The following PPFIA2 variants were observed in gnomAD, a reference collection of about 807,000 sequenced individuals.
The protein encoded by PPFIA2 is PPFI scaffold protein A2.
A neutral mutation model predicts 175.5 loss-of-function variants in PPFIA2; 46 were observed. The ratio of observed to expected loss-of-function variants is 0.26; its 90% confidence interval spans 0.21 to 0.34. The LOEUF (loss-of-function observed/expected upper bound fraction) is 0.34, where lower values mean the gene tolerates loss of function less well. Ranked by LOEUF, PPFIA2 falls within the 10% of genes least tolerant of loss-of-function variation. PPFIA2 has a pLI of 1.00. For missense variants in PPFIA2, 1,179 were observed against 1,506.1 expected, an observed-to-expected ratio of 0.78 and a Z score of 3.60; for synonymous variants, 568 against 511.4, an observed-to-expected ratio of 1.11 and a Z score of -1.49.
intron 29 of PPFIA2, 83 bp downstream of exon 29, chr12:81,267,829 T>C (rs754711475): frequency 4.7e-5 from 60 of 1,288,098 alleles, no homozygotes; most frequent in Non-Finnish European, 5.5e-5. Flanking sequence ...CAATCATGAA[T>C]ACACAGCCAA....
chr12:81,348,476 G>T (rs1054386406), intron 17 of PPFIA2, among the ~76,000 whole-genome samples: 1 of 152,106 alleles, frequency 6.6e-6, no homozygotes, highest in African/African-American at 2.4e-5. Context: ...GGTGGCTCAC[G>T]CCTGTAATCC....
intron 30 of PPFIA2, 105 bp from the exon 31 acceptor site, chr12:81,263,495 C>G (rs1474963920): frequency 9.7e-7 from 1 of 1,031,044 alleles, no homozygotes; most frequent in Non-Finnish European, 1.4e-6. Flanking sequence ...TACATTTAGT[C>G]TGTCAAGTAT....
chr12:81,474,348 G>A lies in PPFIA2; in HGVS notation c.304-16482C>T, dbSNP rs1162398397. On this transcript the variant is annotated intron_variant, in intron 4 of 32. Transcript: ENST00000549396. ...ATTTTTGTATTTTTAGTAGAGACGG[G>A]GTCTTGCCATGTTTTTTGGGCTGCT... is the stretch of plus-strand genomic sequence containing the variant. 4.6e-5 allele frequency among the ~76,000 whole-genome samples: 7 copies of A among 152,072 alleles called. No individual in the cohort carries two copies. In the East Asian group the frequency reaches 1.2e-3, roughly 25 times the overall value.
intron 4 of PPFIA2, among the ~76,000 whole-genome samples, chr12:81,574,726 C>G (rs1268613616): frequency 1.3e-5 from 2 of 151,410 alleles, no homozygotes. Context: ...AAAAACACCA[C>G]TCTTCTGATA....
intron 3 of PPFIA2, among the ~76,000 whole-genome samples, chr12:81,709,132 G>T (rs1263229922): frequency 2.0e-5 from 3 of 151,904 alleles, no homozygotes; most frequent in African/African-American, 7.3e-5. Context: ...CTCACATAGG[G>T]CTTCTTTCTG....
At chr12:81,326,948 A>T (rs764548858) in intron 21 of PPFIA2, among the ~76,000 whole-genome samples, 1 of 152,078 alleles carries the variant, frequency 6.6e-6, no homozygotes, top group Non-Finnish European at 1.5e-5. Context: ...CTCTTCTCTC[A>T]TTGTAGTGGA....
intron 22 of PPFIA2, chr12:81,302,268 C>A: frequency 2.7e-6 from 1 of 372,654 alleles, no homozygotes; most frequent in South Asian, 2.1e-5. Flanking sequence ...TTATTTCCCA[C>A]TTTCTCACAA....
intron 4 of PPFIA2, among the ~76,000 whole-genome samples, chr12:81,624,580 AAT>A (rs896898043): frequency 6.8e-5 from 10 of 146,166 alleles, no homozygotes; most frequent in African/African-American, 2.0e-4. Context: ...GACCTGGACA[AAT>A]ATATATATAT....
At chr12:81,715,257 G>T (rs1325511626) in intron 3 of PPFIA2, among the ~76,000 whole-genome samples, 1 of 147,026 alleles carries the variant, frequency 6.8e-6, no homozygotes, top group Non-Finnish European at 1.5e-5. Flanking sequence ...TGTGTGAACT[G>T]TTTATCTTCA....
At chr12:81,344,361 T>C (rs904994064) in intron 19 of PPFIA2, among the ~76,000 whole-genome samples, 4 of 149,318 alleles carry the variant, frequency 2.7e-5, no homozygotes, top group Non-Finnish European at 5.9e-5. Context: ...ATTTGTACTA[T>C]ATTATATTAA....
At chr12:81,384,662 T>G (rs550588546) in intron 8 of PPFIA2, among the ~76,000 whole-genome samples, 1 of 152,192 alleles carries the variant, frequency 6.6e-6, no homozygotes, top group Non-Finnish European at 1.5e-5. Context: ...AATTTTAAAA[T>G]TTTTCTTCAA....
chr12:81,639,518 A>G (rs1405776899), intron 4 of PPFIA2, among the ~76,000 whole-genome samples: 1 of 151,312 alleles, frequency 6.6e-6, no homozygotes, highest in East Asian at 2.0e-4. Context: ...CACAATTACA[A>G]TTACAAAGAA....
intron 5 of PPFIA2, among the ~76,000 whole-genome samples, chr12:81,447,153 A>G (rs948447078): frequency 2.0e-5 from 3 of 152,038 alleles, no homozygotes; most frequent in Admixed American, 6.6e-5. Context: ...AATAATAATA[A>G]TAGTAGTTTT....
chr12:81,619,974 G>A (rs1346591733), intron 4 of PPFIA2, among the ~76,000 whole-genome samples: 1 of 151,826 alleles, frequency 6.6e-6, no homozygotes, highest in Non-Finnish European at 1.5e-5. Flanking sequence ...CCTGGCTAAG[G>A]CAGTGAAACC....
intron 4 of PPFIA2, among the ~76,000 whole-genome samples, chr12:81,618,049 G>T (rs1303185506): frequency 6.6e-6 from 1 of 152,112 alleles, no homozygotes; most frequent in African/African-American, 2.4e-5. Flanking sequence ...TGCAGTTGCT[G>T]ATTTTTTTTG....
At chr12:81,651,550 A>G (rs1208569257) in intron 4 of PPFIA2, among the ~76,000 whole-genome samples, 1 of 152,026 alleles carries the variant, frequency 6.6e-6, no homozygotes, top group Non-Finnish European at 1.5e-5. Context: ...TCTTTCCCTC[A>G]AGGTCAGCTT....
At chr12:81,462,676 G>T (rs2145975117) in intron 4 of PPFIA2, among the ~76,000 whole-genome samples, 1 of 149,342 alleles carries the variant, frequency 6.7e-6, no homozygotes, top group South Asian at 2.1e-4. Context: ...GATCCTGGTA[G>T]TTTCTTCAAA....
At chr12:81,739,852 TA>T (rs1400481984) in intron 3 of PPFIA2, among the ~76,000 whole-genome samples, 1 of 152,020 alleles carries the variant, frequency 6.6e-6, no homozygotes, top group Non-Finnish European at 1.5e-5. Flanking sequence ...CATGGGCTTA[TA>T]GATTTAAAAA....
At chr12:81,406,263 T>A (rs1169130818) in intron 7 of PPFIA2, among the ~76,000 whole-genome samples, 3 of 152,150 alleles carry the variant, frequency 2.0e-5, no homozygotes, top group Non-Finnish European at 4.4e-5. Context: ...ATAAAAATGT[T>A]TTTTTGGTCT....
Sources: allele counts gnomAD v4.1 joint callset (sites outside exome capture counted in the v4.1 genomes callset), GRCh38; gene constraint gnomAD v4.1.1; transcripts MANE v1.5; gene names NCBI Gene and HGNC (gene_info 2026-07-23, HGNC 2026-07-21).